The following LIPI variants were observed in gnomAD, a reference collection of about 807,000 sequenced individuals.
The protein encoded by LIPI is lipase I.
Under a neutral mutation model 50.6 loss-of-function variants are expected in LIPI, and 59 were observed. The ratio of observed to expected loss-of-function variants is 1.16; its 90% CI spans 0.94 to 1.45. The LOEUF is 1.45. Among genes scored for constraint, LIPI ranks in the 40% most tolerant of loss-of-function variants. The probability of loss-of-function intolerance (pLI) is 0.00; values close to 1 mark genes in which losing one functional copy is unlikely to be tolerated. For missense variants in LIPI, 586 were observed against 536.3 expected (o/e 1.09, Z -0.92); for synonymous variants, 203 against 178.2 (o/e 1.14, Z -1.11).
intron 9 of LIPI, among the ~76,000 whole-genome samples, chr21:14,113,639 AAT>A (rs1491415850): frequency 1.5e-5 from 2 of 134,038 alleles, no homozygotes; most frequent in East Asian, 2.4e-4. Flanking sequence ...ACAGAAAAAA[AAT>A]CTCAAAAAAA....
intron 1 of LIPI, among the ~76,000 whole-genome samples, chr21:14,210,508 G>C (rs572290480): frequency 1.3e-4 from 18 of 135,996 alleles, no homozygotes; most frequent in African/African-American, 6.8e-4. Context: ...TTTTTCTCTT[G>C]AGTATTTCTA....
chr21:14,122,133 C>A (rs1970046), intron 9 of LIPI, among the ~76,000 whole-genome samples: 49,533 of 152,046 alleles, frequency 0.33, 8,213 homozygotes, highest in East Asian at 0.45. Context: ...ACAGTAGTGA[C>A]AATAATGCTA....
intron 9 of LIPI, among the ~76,000 whole-genome samples, chr21:14,142,178 G>A (rs1426870889): frequency 6.6e-6 from 1 of 152,044 alleles, no homozygotes; most frequent in Non-Finnish European, 1.5e-5. Context: ...TGGGGGACTA[G>A]GGGAGGGATA....
rs1334463363 is a variant in LIPI, at chr21:14,168,438, G to A, written c.644-1987C>T. ...CAGATTCACCAAAGTTGAAATGAAG[G>A]AAAAAATGTTAAGGGCAGCCAGAGA... On this transcript the variant is annotated intron_variant, in intron 4 of 9. Transcript: ENST00000681601. 2.0e-5 allele frequency among the ~76,000 whole-genome samples: 3 copies of A among 152,206 alleles called. No homozygotes were observed. In the East Asian group the frequency reaches 5.8e-4, roughly 29 times the overall value.
chr21:14,132,195 G>T (rs2017322693), intron 9 of LIPI, among the ~76,000 whole-genome samples: 1 of 152,140 alleles, frequency 6.6e-6, no homozygotes, highest in Non-Finnish European at 1.5e-5. Flanking sequence ...AGTCAGACAT[G>T]CAAATACAGG....
intron 1 of LIPI, among the ~76,000 whole-genome samples, chr21:14,191,175 G>A (rs957814788): frequency 2.6e-5 from 4 of 151,806 alleles, no homozygotes; most frequent in African/African-American, 4.8e-5. Flanking sequence ...TCAGGAGATC[G>A]AGACCATCCC....
chr21:14,205,348 T>C (rs957426915), intron 1 of LIPI, among the ~76,000 whole-genome samples: 4 of 151,908 alleles, frequency 2.6e-5, no homozygotes, highest in Non-Finnish European at 5.9e-5. Context: ...TAAGAAATTA[T>C]GTTTCTGAAA....
Position 14,185,947 on chromosome 21 carries a change from A to C in LIPI, c.541+14T>G, listed in dbSNP as rs111870562. The stretch of plus-strand genomic sequence containing the variant: ...AAGTATGCTAAAGCAATAATTTTAT[A>C]AAAATAATTTTACCTGTTATTCTTC... On this transcript the variant is annotated intron_variant, in intron 3 of 9. Coordinates refer to ENST00000681601, the MANE Select transcript of LIPI (RefSeq NM_001302998.2). 2,239 of 1,357,160 alleles carry C rather than the reference A, an allele frequency of 1.6e-3. 29 individuals carry two copies. In the African/African-American group the frequency reaches 0.027, roughly 16 times the overall value. The allele number at this position is 1,357,160 out of a possible 1,614,324, so 84.1% of individuals were successfully genotyped here.
intron 9 of LIPI, among the ~76,000 whole-genome samples, chr21:14,133,756 A>G (rs776969689): frequency 2.6e-5 from 4 of 152,214 alleles, no homozygotes; most frequent in Non-Finnish European, 5.9e-5. Flanking sequence ...AAACTCTTAA[A>G]TTTAATAAGT....
At chr21:14,113,563 G>A (rs990246567) in intron 9 of LIPI, among the ~76,000 whole-genome samples, 4 of 152,052 alleles carry the variant, frequency 2.6e-5, no homozygotes, top group Non-Finnish European at 4.4e-5. Context: ...TCAAATATTA[G>A]ATCTTACTTC....
At chr21:14,169,834 G>T (rs2018827817) in intron 4 of LIPI, among the ~76,000 whole-genome samples, 1 of 152,094 alleles carries the variant, frequency 6.6e-6, no homozygotes, top group Non-Finnish European at 1.5e-5. Context: ...ACATTCATAA[G>T]CTAGCAGAAG....
chr21:14,134,812 A>G (rs1568841755), intron 9 of LIPI, among the ~76,000 whole-genome samples: 1 of 152,116 alleles, frequency 6.6e-6, no homozygotes, highest in African/African-American at 2.4e-5. Context: ...GAACACATAA[A>G]CATAAGACCA....
intron 9 of LIPI, among the ~76,000 whole-genome samples, chr21:14,110,940 C>CTA (rs1313521102): frequency 9.0e-4 from 132 of 147,356 alleles, no homozygotes; most frequent in African/African-American, 2.9e-3. Flanking sequence ...ATACCATATA[C>CTA]TATATATATA....
chr21:14,166,248 G>C, intron 5 of LIPI, 114 bp downstream of exon 5: 1 of 742,038 alleles, frequency 1.3e-6, no homozygotes, highest in Non-Finnish European at 2.5e-6. Flanking sequence ...CCTGAGTCAT[G>C]GGCAATGATG....
intron 1 of LIPI, among the ~76,000 whole-genome samples, chr21:14,191,302 G>A (rs957580242): frequency 6.7e-6 from 1 of 149,418 alleles, no homozygotes; most frequent in Admixed American, 6.6e-5. Context: ...GCGGGAACCC[G>A]GGAGGCGGAG....
At chr21:14,151,046 G>T (rs2018071780) in intron 8 of LIPI, among the ~76,000 whole-genome samples, 1 of 152,100 alleles carries the variant, frequency 6.6e-6, no homozygotes. Context: ...TTGTAACCCA[G>T]GGTACTATCT....
intron 9 of LIPI, among the ~76,000 whole-genome samples, chr21:14,136,630 G>T (rs1451209741): frequency 6.6e-6 from 1 of 152,024 alleles, no homozygotes; most frequent in South Asian, 2.1e-4. Context: ...TCCACTCAGG[G>T]CCTGGGGGAC....
At chr21:14,162,206 T>A (rs1409933430) in intron 7 of LIPI, among the ~76,000 whole-genome samples, 1 of 151,214 alleles carries the variant, frequency 6.6e-6, no homozygotes, top group African/African-American at 2.4e-5. Context: ...GGAACTATGC[T>A]GAGTGAAAAA....
intron 4 of LIPI, among the ~76,000 whole-genome samples, chr21:14,177,476 T>C (rs2019136074): frequency 6.6e-6 from 1 of 152,052 alleles, no homozygotes; most frequent in Non-Finnish European, 1.5e-5. Flanking sequence ...TACCTTCTAT[T>C]TGCTTTAGCT....
Sources: allele counts gnomAD v4.1 joint callset (sites outside exome capture counted in the v4.1 genomes callset), GRCh38; gene constraint gnomAD v4.1.1; transcripts MANE v1.5; gene names NCBI Gene and HGNC (gene_info 2026-07-23, HGNC 2026-07-21).